The following PLCD3 variants were observed in gnomAD, a reference collection of about 807,000 sequenced individuals.
PLCD3 encodes phospholipase C delta 3, also known as 1-phosphatidylinositol 4,5-bisphosphate phosphodiesterase delta-3.
PLCD3 carries 62 observed loss-of-function variants against 82.8 expected under a neutral mutation model. The ratio of observed to expected loss-of-function variants is 0.75; its 90% confidence interval spans 0.61 to 0.93. The LOEUF is 0.93. PLCD3 is among the 40% of genes least tolerant of loss of function. PLCD3 has a pLI of 0.00. For synonymous variants in PLCD3, 478 were observed against 471.8 expected (o/e 1.01, Z -0.17); for missense variants, 1,023 against 1,103.4 (o/e 0.93, Z 1.03).
Position 45,132,315 on chromosome 17 carries a change from G to A in PLCD3, c.96C>T (p.Leu32=). The stretch of plus-strand genomic sequence containing the variant: ...CATCGGAGGGAGTCGGCGGGGACGG[G>A]AGAGCGACCGGCGCCGCGACTTGGG... The part of the protein sequence containing the change: ...VAAQVAAPVA[L]PSPPTPSDGG... Residue 32 remains leucine, a synonymous_variant, in exon 1 of 15, where the codon CTC becomes CTT. Transcript: ENST00000619929. The surrounding 1 kb of genome is among the most constrained non-coding windows in gnomAD (Gnocchi z 4.6). The A allele has an allele frequency of 1.6e-6, 2 of 1,247,836 alleles. No individual in the cohort carries two copies. Among genetic ancestry groups the A allele is most frequent in the Non-Finnish European group, 2.0e-6 (2 of 995,394 alleles). 77.3% of individuals were successfully genotyped at this position (1,247,836 alleles called of 1,614,324 possible). A position where few individuals can be genotyped will look rare whatever the true frequency, so the allele number is the denominator to read the frequency against.
intron 1 of PLCD3, among the ~76,000 whole-genome samples, chr17:45,127,315 T>C (rs1265486013): frequency 6.6e-6 from 1 of 152,192 alleles, no homozygotes; most frequent in African/African-American, 2.4e-5. Context: ...TGTTGTCAGC[T>C]GGGGCTCAGA....
intron 1 of PLCD3, among the ~76,000 whole-genome samples, chr17:45,121,670 A>G (rs1453219563): frequency 6.6e-6 from 1 of 152,182 alleles, no homozygotes; most frequent in East Asian, 1.9e-4. Context: ...CCCTCGGACA[A>G]TGCCTGGGAC....
intron 7 of PLCD3, among the ~76,000 whole-genome samples, chr17:45,117,340 G>A (rs2054299160): frequency 6.6e-6 from 1 of 152,040 alleles, no homozygotes; most frequent in South Asian, 2.1e-4. Context: ...TCCAGTCCTG[G>A]GCTCAAGTGA....
rs757902197 is a variant in PLCD3, at chr17:45,115,392, ATCC to A, written c.1509_1511del (p.Glu503del). Reference sequence around the variant, plus strand: ...CCACCTCCTCTTCTTCCTCCTCGTCATCCTCCTCCTCCTCCTCCCGATCCGACA... The same window carrying A: ...CCACCTCCTCTTCTTCCTCCTCGTCATCCTCCTCCTCCTCCCGATCCGACA... On this transcript the variant is annotated inframe_deletion, in exon 9 of 15. Transcript: ENST00000619929. 506 of 1,564,386 alleles carry A rather than the reference ATCC, an allele frequency of 3.2e-4. No homozygotes were observed. Among genetic ancestry groups the A allele is most frequent in the Admixed American group, 7.9e-4 (45 of 56,908 alleles).
At chr17:45,131,906 A>G (rs1021175391) in intron 1 of PLCD3, among the ~76,000 whole-genome samples, 4 of 151,796 alleles carry the variant, frequency 2.6e-5, no homozygotes, top group African/African-American at 7.3e-5. Context: ...CAGAACCTAG[A>G]TACTGCTGGG....
intron 1 of PLCD3, among the ~76,000 whole-genome samples, chr17:45,125,453 C>T (rs765059977): frequency 3.3e-5 from 5 of 152,058 alleles, no homozygotes; most frequent in African/African-American, 4.8e-5. Flanking sequence ...AGAAAACAGC[C>T]GAGCATGGTG....
At chr17:45,126,347 ATTTTTTT>A (rs398030937) in intron 1 of PLCD3, among the ~76,000 whole-genome samples, 5 of 79,096 alleles carry the variant, frequency 6.3e-5, no homozygotes, top group Non-Finnish European at 6.5e-5. Flanking sequence ...CGCCCAGCCT[ATTTTTTT>A]TTTTTTTTTT....
rs1220888865 is a variant in PLCD3, at chr17:45,113,523, G to C, written c.1911C>G (p.Val637=). ...GTTGCCGCAGGCAGGCAGGTTTTAG[G>C]ACGTAGCCACACTGCCCATTGACTA... The part of the protein sequence containing the change: ...RFLVNGQCGY[V]LKPACLRQPD... The change falls in exon 12 of 15, where the codon GTC becomes GTG. Residue 637 remains valine (V), a synonymous_variant. Coordinates refer to ENST00000619929, the MANE Select transcript of PLCD3 (RefSeq NM_133373.5). The C allele has an allele frequency of 6.3e-7, 1 of 1,576,678 alleles. No homozygotes were observed. The highest frequency in any genetic ancestry group is 1.3e-5 in the African/African-American group (1 of 74,084).
At chr17:45,115,582 G>T in intron 8 of PLCD3, 92 bp from the exon 9 acceptor site, 1 of 1,189,632 alleles carries the variant, frequency 8.4e-7, no homozygotes, top group Non-Finnish European at 1.2e-6. Flanking sequence ...CTTGTGAGGG[G>T]CTGGCTAGGG....
rs893167304 is a variant in PLCD3 at position 45,110,952 on chromosome 17, T to A, written c.*1664A>T. 2.0e-5 allele frequency: 3 copies of A among 152,236 alleles called. No homozygotes were observed. Among genetic ancestry groups the A allele is most frequent in the African/African-American group, 7.2e-5 (3 of 41,458 alleles). The allele number at this position is 152,236 out of a possible 1,614,324, so 9.4% of individuals were successfully genotyped here. A position where few individuals can be genotyped will look rare whatever the true frequency, so the allele number is the denominator to read the frequency against. ...GGTGGAGTCTGCCCCAGCCCTGTGT[T>A]TTGGTTTCTGTGGGGCTTGGGGCCA... On this transcript the variant is annotated 3_prime_UTR_variant, in exon 15 of 15. Transcript: ENST00000619929.
chr17:45,120,348 T>G lies in PLCD3; in HGVS notation c.661A>C (p.Met221Leu), dbSNP rs1470685146. 1 of 1,613,824 alleles carries G rather than the reference T, an allele frequency of 6.2e-7. No homozygotes were observed. The highest frequency in any genetic ancestry group is 8.5e-7 in the Non-Finnish European group (1 of 1,179,846). The change falls in exon 4 of 15, where the codon ATG becomes CTG. Residue 221 changes from methionine (M) to leucine (L), a missense_variant. Coordinates refer to ENST00000619929, the MANE Select transcript of PLCD3 (RefSeq NM_133373.5). ...ACCTTGAAGAGGAGGTAGGCGTACA[T>G]GTCGTTCATGTCCACGTTGACCATT... The part of the protein sequence containing the change: ...LRMVNVDMND[M>L]YAYLLFKECD...
intron 1 of PLCD3, among the ~76,000 whole-genome samples, chr17:45,128,333 T>A (rs1313718849): frequency 6.6e-6 from 1 of 152,070 alleles, no homozygotes; most frequent in East Asian, 1.9e-4. Context: ...GAAGTCAGGG[T>A]AGGGGACAGG....
At position 45,118,609 on chromosome 17, in the gene PLCD3, C is replaced by A; in HGVS notation, c.914-117G>T. 1 of 1,266,884 alleles carries A rather than the reference C, an allele frequency of 7.9e-7. No homozygotes were observed. Among genetic ancestry groups the A allele is most frequent in the Non-Finnish European group, 1.1e-6 (1 of 906,830 alleles). 78.5% of individuals were successfully genotyped at this position (1,266,884 alleles called of 1,614,324 possible). Reference sequence around the variant, plus strand: ...ATGACTAGACAATCTACTGACTAGACTCCATGTAAGTCATGCCACTTAACC... The same window carrying A: ...ATGACTAGACAATCTACTGACTAGAATCCATGTAAGTCATGCCACTTAACC... On this transcript the variant is annotated intron_variant, in intron 5 of 14. Coordinates refer to ENST00000619929, the MANE Select transcript of PLCD3 (RefSeq NM_133373.5). This position sits in a 1 kb window ranked among gnomAD's most constrained non-coding sequence, Gnocchi z 4.1.
chr17:45,120,895 A>C lies in PLCD3; in HGVS notation c.554+7T>G. 9.9e-6 allele frequency: 14 copies of C among 1,418,348 alleles called. No individual in the cohort carries two copies. The highest frequency in any genetic ancestry group is 1.3e-5 in the Non-Finnish European group (14 of 1,091,296). 87.9% of individuals were successfully genotyped at this position (1,418,348 alleles called of 1,614,324 possible). On this transcript the variant is annotated splice_region_variant and intron_variant, in intron 3 of 14. Coordinates refer to ENST00000619929, the MANE Select transcript of PLCD3 (RefSeq NM_133373.5). ...TGGGGCCCTCCCTCCCAGCCCCGGC[A>C]GGATATTGGTCTAGCCGCTCGCGCT...
intron 1 of PLCD3, among the ~76,000 whole-genome samples, chr17:45,123,739 G>A (rs2054359523): frequency 6.6e-6 from 1 of 152,140 alleles, no homozygotes; most frequent in South Asian, 2.1e-4. Flanking sequence ...GGGTCTCAGG[G>A]GCAAGAGGAG....
At chr17:45,131,421 C>T (rs182912414) in intron 1 of PLCD3, among the ~76,000 whole-genome samples, 2 of 152,360 alleles carry the variant, frequency 1.3e-5, no homozygotes, top group Admixed American at 1.3e-4. Context: ...CCCTCCACTG[C>T]CCTGCGGGTC....
At position 45,132,111 on chromosome 17, in the gene PLCD3, G is replaced by T; in HGVS notation, c.163+137C>A. On this transcript the variant is annotated intron_variant, in intron 1 of 14. Transcript: ENST00000619929. This position sits in a 1 kb window ranked among gnomAD's most constrained non-coding sequence, Gnocchi z 4.6. ...CAGGTGCGACCCCCAGCTGGAGGGAGCTGGCCCTCCGCCCCTAGCCATAGC... is the reference window on the plus strand; with the variant it reads ...CAGGTGCGACCCCCAGCTGGAGGGATCTGGCCCTCCGCCCCTAGCCATAGC... The T allele has an allele frequency of 1.0e-6, 1 of 972,398 alleles. No homozygotes were observed. Among genetic ancestry groups the T allele is most frequent in the Non-Finnish European group, 1.3e-6 (1 of 752,512 alleles). 60.2% of individuals were successfully genotyped at this position (972,398 alleles called of 1,614,324 possible).
intron 1 of PLCD3, 111 bp from the exon 2 acceptor site, chr17:45,121,483 T>C: frequency 5.5e-6 from 7 of 1,280,772 alleles, no homozygotes; most frequent in Non-Finnish European, 7.2e-6. Flanking sequence ...AACCCAGGCC[T>C]TCATCCCACA....
rs1018312049 is a variant in PLCD3, at chr17:45,132,176, C to T, written c.163+72G>A. 11 of 1,225,248 alleles carry T rather than the reference C, an allele frequency of 9.0e-6. No individual in the cohort carries two copies. In the African/African-American group the frequency reaches 1.6e-4, roughly 17 times the overall value. 75.9% of individuals were successfully genotyped at this position (1,225,248 alleles called of 1,614,324 possible). A position where few individuals can be genotyped will look rare whatever the true frequency, so the allele number is the denominator to read the frequency against. On this transcript the variant is annotated intron_variant, in intron 1 of 14. Transcript: ENST00000619929. This position sits in a 1 kb window ranked among gnomAD's most constrained non-coding sequence, Gnocchi z 4.6. ...CAGCCTGGGGAATCCACGAACTGCT[C>T]CCTGGAGCGCCCCAGACTGGGCCTC...
Sources: gnomAD v4.1 joint callset for allele counts (sites outside exome capture counted in the v4.1 genomes callset) on GRCh38, gnomAD v4.1.1 for gene constraint, Gnocchi (gnomAD v3.1) non-coding constraint, MANE v1.5 for transcripts, NCBI Gene and HGNC (gene_info 2026-07-23, HGNC 2026-07-21) for gene names.